The following UNC13C variants were observed in gnomAD, a reference collection of about 807,000 sequenced individuals.
UNC13C encodes unc-13 homolog C.
Under a neutral mutation model 245.4 loss-of-function variants are expected in UNC13C, and 174 were observed. The observed-to-expected ratio is 0.71, with a 90% CI of 0.63 to 0.80. The LOEUF is 0.80. UNC13C is among the 30% of genes least tolerant of loss of function. UNC13C has a pLI of 0.00. For synonymous variants in UNC13C, 992 were observed against 895.1 expected (o/e 1.11, Z -1.93); for missense variants, 2,829 against 2,602.9 (o/e 1.09, Z -1.89).
At chr15:54,049,842 G>C (rs1254739804) in intron 2 of UNC13C, 1 of 241,912 alleles carries the variant, frequency 4.1e-6, no homozygotes, top group African/African-American at 2.4e-5. Flanking sequence ...ATTGTACAGT[G>C]GGTGGCTGTA....
chr15:53,977,323 C>T (rs760684025), upstream of UNC13C, among the ~76,000 whole-genome samples: 1 of 152,044 alleles, frequency 6.6e-6, no homozygotes, highest in Non-Finnish European at 1.5e-5. Flanking sequence ...AAATGTTTTG[C>T]CACAAGTTTT....
chr15:54,004,276 C>T (rs574381337), intron 1 of UNC13C, among the ~76,000 whole-genome samples: 1 of 152,268 alleles, frequency 6.6e-6, no homozygotes, highest in Non-Finnish European at 1.5e-5. Flanking sequence ...TGTCTTTCTG[C>T]GCCTGGCTTA....
chr15:54,577,712 T>A (rs1182472954), intron 30 of UNC13C, among the ~76,000 whole-genome samples: 1 of 152,162 alleles, frequency 6.6e-6, no homozygotes, highest in Non-Finnish European at 1.5e-5. Flanking sequence ...TGAGGGCAGT[T>A]AGCAGTTCCA....
intron 18 of UNC13C, among the ~76,000 whole-genome samples, chr15:54,402,305 A>G (rs1041598506): frequency 1.3e-5 from 2 of 152,188 alleles, no homozygotes; most frequent in Non-Finnish European, 2.9e-5. Flanking sequence ...AAACAGATCA[A>G]GTGTGTTACT....
chr15:54,326,701 T>C (rs1469685778), intron 14 of UNC13C, among the ~76,000 whole-genome samples: 1 of 151,776 alleles, frequency 6.6e-6, no homozygotes, highest in Non-Finnish European at 1.5e-5. Context: ...GACAGAGGAT[T>C]GTGGGAGGAA....
At chr15:54,219,645 C>T (rs1413036522) in intron 4 of UNC13C, among the ~76,000 whole-genome samples, 1 of 151,218 alleles carries the variant, frequency 6.6e-6, no homozygotes, top group African/African-American at 2.4e-5. Flanking sequence ...AAGAAACTAC[C>T]ATCAGAGTGA....
chr15:54,034,539 T>G (rs1356455910), intron 2 of UNC13C, among the ~76,000 whole-genome samples: 1 of 152,228 alleles, frequency 6.6e-6, no homozygotes, highest in Non-Finnish European at 1.5e-5. Flanking sequence ...ATTCTAAATT[T>G]TTGAGTTTCC....
At chr15:54,402,603 G>A (rs1243944289) in intron 18 of UNC13C, among the ~76,000 whole-genome samples, 1 of 152,072 alleles carries the variant, frequency 6.6e-6, no homozygotes, top group African/African-American at 2.4e-5. Flanking sequence ...GCTGGAGACA[G>A]GCACTATTCT....
chr15:54,622,332 T>C lies in UNC13C; in HGVS notation c.6112T>C (p.Ser2038Pro). Residue 2038 changes from serine (S) to proline (P), a missense_variant, in exon 31 of 33, where the codon TCC becomes CCC. Transcript: ENST00000260323. Reference sequence around the variant, plus strand: ...AAGCCTCTGCTTATTTTCAGGTCGTTCCTCCAAAGATGCCGTGGGTCAGAT... The same window carrying C: ...AAGCCTCTGCTTATTTTCAGGTCGTCCCTCCAAAGATGCCGTGGGTCAGAT... The part of the protein sequence containing the change: ...FIDTQTSQSR[S>P]SKDAVGQISV... 1 of 1,612,978 alleles carries C rather than the reference T, an allele frequency of 6.2e-7. No homozygotes were observed. The highest frequency in any genetic ancestry group is 8.5e-7 in the Non-Finnish European group (1 of 1,179,182).
At chr15:54,156,551 T>C (rs187826434) in intron 4 of UNC13C, among the ~76,000 whole-genome samples, 1 of 152,224 alleles carries the variant, frequency 6.6e-6, no homozygotes, top group East Asian at 1.9e-4. Flanking sequence ...CGTTTAACAA[T>C]AAGTTGCATT....
intron 4 of UNC13C, among the ~76,000 whole-genome samples, chr15:54,167,037 G>A (rs1185573412): frequency 1.3e-5 from 2 of 152,148 alleles, no homozygotes; most frequent in Admixed American, 1.3e-4. Flanking sequence ...TCTTTAGAAA[G>A]ATGAACAAAG....
At chr15:54,171,557 C>A (rs953829277) in intron 4 of UNC13C, among the ~76,000 whole-genome samples, 4 of 152,088 alleles carry the variant, frequency 2.6e-5, no homozygotes, top group African/African-American at 9.7e-5. Context: ...AATGTAATAT[C>A]ATCGCACCCC....
At chr15:54,133,887 A>G (rs1436599041) in intron 2 of UNC13C, among the ~76,000 whole-genome samples, 1 of 152,140 alleles carries the variant, frequency 6.6e-6, no homozygotes, top group Non-Finnish European at 1.5e-5. Flanking sequence ...TGCCTATTGT[A>G]TACATTTTAC....
In UNC13C at chr15:54,207,106, TTGATGATGATGATGATGATGATGG is replaced by T. The variant is rs1419490904; in HGVS notation, c.3072-27901_3072-27878del. On this transcript the variant is annotated intron_variant, in intron 4 of 32. Transcript: ENST00000260323. ...AAGGTAAGGTAGCAGTGGCACTTTA[TTGATGATGATGATGATGATGATGG>T]TGATGATGATGATGATGATGATAAT... Among the ~76,000 whole-genome samples, 18 of 149,744 alleles carry T rather than the reference TTGATGATGATGATGATGATGATGG, an allele frequency of 1.2e-4. No homozygotes were observed. In the Admixed American group the frequency reaches 1.2e-3, roughly 10 times the overall value.
At chr15:54,042,592 G>A (rs979942149) in intron 2 of UNC13C, among the ~76,000 whole-genome samples, 9 of 152,106 alleles carry the variant, frequency 5.9e-5, no homozygotes, top group East Asian at 1.9e-4. Flanking sequence ...GGTGGGTCAC[G>A]CCTGTAATCC....
chr15:53,890,113 G>C, the UNC13C span, among the ~76,000 whole-genome samples: 16 of 149,108 alleles, frequency 1.1e-4, no homozygotes, highest in African/African-American at 3.9e-4. Flanking sequence ...GTTTGGAATA[G>C]TTTCAGAAGG....
chr15:54,554,099 T>C (rs1230434466), intron 28 of UNC13C, among the ~76,000 whole-genome samples: 1 of 151,984 alleles, frequency 6.6e-6, no homozygotes. Flanking sequence ...CCAAAGACAA[T>C]GATTCTATTG....
At chr15:54,319,423 G>A (rs1428228787) in intron 13 of UNC13C, among the ~76,000 whole-genome samples, 1 of 151,698 alleles carries the variant, frequency 6.6e-6, no homozygotes, top group East Asian at 1.9e-4. Flanking sequence ...AATCAATTCA[G>A]TGTATAATAA....
At chr15:54,502,399 CT>C (rs1894261946) in intron 22 of UNC13C, among the ~76,000 whole-genome samples, 1 of 152,124 alleles carries the variant, frequency 6.6e-6, no homozygotes, top group Non-Finnish European at 1.5e-5. Context: ...ATGAAATATT[CT>C]GATCTCATCT....
Sources: gnomAD v4.1 joint callset for allele counts (sites outside exome capture counted in the v4.1 genomes callset) on GRCh38, gnomAD v4.1.1 for gene constraint, MANE v1.5 for transcripts, NCBI Gene and HGNC (gene_info 2026-07-23, HGNC 2026-07-21) for gene names.